The following PEX11B variants were observed in gnomAD, a reference collection of about 807,000 sequenced individuals.
PEX11B encodes peroxisomal biogenesis factor 11 beta, also known as peroxisomal membrane protein 11B.
In PEX11B, 18 loss-of-function variants were observed where a neutral mutation model predicts 28.2. That is an observed-to-expected ratio of 0.64 (90% CI 0.44 to 0.95). The LOEUF is 0.95. Ranked by LOEUF, PEX11B falls within the 40% of genes least tolerant of loss-of-function variation. PEX11B has a pLI of 0.00. For missense variants in PEX11B, 305 were observed against 319.8 expected (o/e 0.95, Z 0.35); for synonymous variants, 128 against 128.7 (o/e 0.99, Z 0.04).
intron 3 of PEX11B, among the ~76,000 whole-genome samples, chr1:145,915,898 G>A (rs1422539292): frequency 6.6e-6 from 1 of 152,128 alleles, no homozygotes. Context: ...CTCCCAAAGT[G>A]CTGGGATTAC....
chr1:145,911,943 A>C lies in PEX11B; in HGVS notation c.*218T>G. The C allele has an allele frequency of 2.5e-6, 1 of 406,952 alleles. No individual in the cohort carries two copies. Among genetic ancestry groups the C allele is most frequent in the Non-Finnish European group, 4.3e-6 (1 of 230,304 alleles). 25.2% of individuals were successfully genotyped at this position (406,952 alleles called of 1,614,324 possible). On this transcript the variant is annotated 3_prime_UTR_variant, in exon 4 of 4. Transcript: ENST00000369306. ...GAGAGACACAAAGAAAGAGGAAAAG[A>C]ACAGAAGCTCAGGCACATCTAGAAA...
In PEX11B at chr1:145,916,917, T is replaced by G; in HGVS notation, c.274A>C (p.Asn92His). Reference protein sequence around the residue: ...LRFCITVSHLNRALYFACDNV... With the variant: ...LRFCITVSHLHRALYFACDNV... The stretch of plus-strand genomic sequence containing the variant: ...TCACAGGCGAAGTACAAGGCTCGAT[T>G]GAGGTGACTAACAGTGATGCAGAAT... Residue 92 changes from asparagine (N) to histidine (H), a missense_variant, in exon 3 of 4, where the codon AAT becomes CAT. Asn to His is a moderately conservative substitution (Grantham distance 68, BLOSUM62 1). Transcript: ENST00000369306. The G allele has an allele frequency of 6.2e-7, 1 of 1,613,910 alleles. No homozygotes were observed. The highest frequency in any genetic ancestry group is 2.2e-5 in the East Asian group (1 of 44,886).
At chr1:145,918,106 A>C in intron 1 of PEX11B, 2 of 985,448 alleles carry the variant, frequency 2.0e-6, no homozygotes, top group Non-Finnish European at 2.4e-6. Flanking sequence ...CATCACAAGC[A>C]CATCAGCGTG....
At position 145,918,550 on chromosome 1, in the gene PEX11B, T is replaced by C. The variant is rs587703527; in HGVS notation, c.56+83A>G. 7.1e-6 allele frequency: 11 copies of C among 1,549,040 alleles called. No individual in the cohort carries two copies. In the South Asian group the frequency reaches 1.1e-4, roughly 15 times the overall value. On this transcript the variant is annotated intron_variant, in intron 1 of 3. Transcript: ENST00000369306. Reference sequence around the variant, plus strand: ...GAGTTGACCCTTCTTGACCCCCCTGTAGCCTAAACTGACTTCGCCTCACTA... The same window carrying C: ...GAGTTGACCCTTCTTGACCCCCCTGCAGCCTAAACTGACTTCGCCTCACTA...
intron 3 of PEX11B, 52 bp downstream of exon 3, chr1:145,916,765 T>C: frequency 1.6e-6 from 2 of 1,223,356 alleles, no homozygotes; most frequent in Non-Finnish European, 2.4e-6. Context: ...AGACAAGCTA[T>C]GCAATATAGA....
Position 145,917,999 on chromosome 1 carries a change from G to A in PEX11B, c.57-183C>T, listed in dbSNP as rs1647506093. 13 of 983,792 alleles carry A rather than the reference G, an allele frequency of 1.3e-5. No homozygotes were observed. In the South Asian group the frequency reaches 5.6e-4, roughly 43 times the overall value. The allele number at this position is 983,792 out of a possible 1,614,324, so 60.9% of individuals were successfully genotyped here. A position where few individuals can be genotyped will look rare whatever the true frequency, so the allele number is the denominator to read the frequency against. On this transcript the variant is annotated intron_variant, in intron 1 of 3. Transcript: ENST00000369306. Reference sequence around the variant, plus strand: ...AAGGGAAAGGCATAAGGAGAAAAAAGAGTCTAGAAAGGGGTGGGGAGCACT... The same window carrying A: ...AAGGGAAAGGCATAAGGAGAAAAAAAAGTCTAGAAAGGGGTGGGGAGCACT...
chr1:145,917,145 A>G, intron 2 of PEX11B, 127 bp from the exon 3 acceptor site: 1 of 676,054 alleles, frequency 1.5e-6, no homozygotes. Context: ...AAAGAGCAGA[A>G]ACAGGCTGGG....
intron 1 of PEX11B, 38 bp downstream of exon 1, chr1:145,918,595 C>A: frequency 6.4e-7 from 1 of 1,562,694 alleles, no homozygotes; most frequent in South Asian, 1.2e-5. Flanking sequence ...TCTGTCCATC[C>A]CTCCCCCGCC....
chr1:145,914,415 C>G (rs1394691462), intron 3 of PEX11B, among the ~76,000 whole-genome samples: 3 of 151,988 alleles, frequency 2.0e-5, no homozygotes, highest in African/African-American at 7.2e-5. Context: ...AACCACAGCT[C>G]TCCATGGTTT....
Position 145,918,667 on chromosome 1 carries a change from T to C in PEX11B, c.22A>G (p.Ser8Gly), listed in dbSNP as rs1647564370. The change falls in exon 1 of 4, where the codon AGT becomes GGT. Residue 8 changes from serine (S) to glycine (G), a missense_variant. Transcript: ENST00000369306. Reference sequence around the variant, plus strand: ...CGCTCCCGGGCTTGGCTCTGAGCACTGAAGCGGACCCAGGCGTCCATGACA... The same window carrying C: ...CGCTCCCGGGCTTGGCTCTGAGCACCGAAGCGGACCCAGGCGTCCATGACA... MDAWVRF[S>G]AQSQARERLC... 6.6e-7 allele frequency: 1 copy of C among 1,506,084 alleles called. No individual in the cohort carries two copies. Among genetic ancestry groups the C allele is most frequent in the Non-Finnish European group, 8.9e-7 (1 of 1,121,668 alleles). The allele number at this position is 1,506,084 out of a possible 1,614,324, so 93.3% of individuals were successfully genotyped here. A position where few individuals can be genotyped will look rare whatever the true frequency, so the allele number is the denominator to read the frequency against.
chr1:145,911,901 A>C lies in PEX11B; in HGVS notation c.*260T>G, dbSNP rs782057166. On this transcript the variant is annotated 3_prime_UTR_variant, in exon 4 of 4. Transcript: ENST00000369306. ...AACCTTAAACAGAGTTAAGAGACAC[A>C]AAGTAAATATATTCAAGAGAGACAC... 3.1e-6 allele frequency: 1 copy of C among 321,242 alleles called. No homozygotes were observed. Among genetic ancestry groups the C allele is most frequent in the Non-Finnish European group, 5.7e-6 (1 of 176,700 alleles). The allele number at this position is 321,242 out of a possible 1,614,324, so 19.9% of individuals were successfully genotyped here.
chr1:145,917,773 T>G lies in PEX11B; in HGVS notation c.100A>C (p.Arg34=), dbSNP rs1647485566. The change falls in exon 2 of 4, where the codon AGG becomes CGG. Residue 34 remains arginine (R), a synonymous_variant. Transcript: ENST00000369306. The stretch of plus-strand genomic sequence containing the variant: ...TGTAACTCAGGACTGGCTCCATGCC[T>G]CTGCAGCGCATGGCCAAGAAGAGAG... ...ACSLLGHALQ[R]HGASPELQKQ... 6.2e-7 allele frequency: 1 copy of G among 1,613,774 alleles called. No homozygotes were observed. Among genetic ancestry groups the G allele is most frequent in the African/African-American group, 1.3e-5 (1 of 75,040 alleles).
At chr1:145,915,570 G>C (rs587688095) in intron 3 of PEX11B, among the ~76,000 whole-genome samples, 2 of 151,506 alleles carry the variant, frequency 1.3e-5, no homozygotes, top group South Asian at 4.2e-4. Context: ...GTCATCTCTT[G>C]CTCGTATTAG....
chr1:145,917,727 T>C lies in PEX11B; in HGVS notation c.146A>G (p.Glu49Gly), dbSNP rs1243812324. The C allele has an allele frequency of 4.4e-6, 7 of 1,608,028 alleles. No individual in the cohort carries two copies. The Admixed American group carries it at 1.0e-4, about 23-fold the overall frequency. ...PELQKQIRQL[E>G]SHLSLGRKLL... ...CTTTCTTCCAAGGCTCAGGTGGCTCTCCAGTTGTCGAATCTGTTTCTGTAA... is the reference window on the plus strand; with the variant it reads ...CTTTCTTCCAAGGCTCAGGTGGCTCCCCAGTTGTCGAATCTGTTTCTGTAA... Residue 49 changes from glutamate to glycine, a missense_variant, in exon 2 of 4, where the codon GAG becomes GGG. Transcript: ENST00000369306.
chr1:145,915,505 C>T (rs1647326524), intron 3 of PEX11B, among the ~76,000 whole-genome samples: 1 of 152,060 alleles, frequency 6.6e-6, no homozygotes, highest in African/African-American at 2.4e-5. Context: ...ATTTTACTCC[C>T]ACATCATATT....
chr1:145,915,060 C>T (rs1647299079), intron 3 of PEX11B, among the ~76,000 whole-genome samples: 1 of 152,206 alleles, frequency 6.6e-6, no homozygotes, highest in East Asian at 1.9e-4. Flanking sequence ...TGCGCCACCA[C>T]ACCCGGCTAA....
At chr1:145,917,289 G>A (rs587761612) in intron 2 of PEX11B, among the ~76,000 whole-genome samples, 30 of 152,146 alleles carry the variant, frequency 2.0e-4, no homozygotes, top group South Asian at 6.2e-4. Context: ...AAATTAGCCC[G>A]GCATGGTGGT....
Position 145,912,221 on chromosome 1 carries a change from G to A in PEX11B, c.720C>T (p.Leu240=), listed in dbSNP as rs184212399. ...TGAGAATAGACAGGATGGAGGACACGAGGCCACAAAGCCCCACAATCCCAG... is the reference window on the plus strand; with the variant it reads ...TGAGAATAGACAGGATGGAGGACACAAGGCCACAAAGCCCCACAATCCCAG... ...CGPGIVGLCG[L]VSSILSILTL... is the part of the protein sequence containing the mutation. Residue 240 remains leucine, a synonymous_variant, in exon 4 of 4, where the codon CTC becomes CTT. Transcript: ENST00000369306. The A allele has an allele frequency of 1.1e-5, 18 of 1,613,828 alleles. No homozygotes were observed. Among genetic ancestry groups the A allele is most frequent in the East Asian group, 4.5e-5 (2 of 44,880 alleles).
In PEX11B at chr1:145,917,035, A is replaced by G; in HGVS notation, c.173-17T>C. The G allele has an allele frequency of 1.3e-6, 2 of 1,542,634 alleles. No homozygotes were observed. The highest frequency in any genetic ancestry group is 2.2e-5 in the South Asian group (2 of 89,476). ...GGCGTAGAACTTGTGGAGATTAGAA[A>G]GGGAAAGCAAGGATTTGTAAGTGGA... On this transcript the variant is annotated splice_polypyrimidine_tract_variant and intron_variant, in intron 2 of 3. Coordinates refer to ENST00000369306, the MANE Select transcript of PEX11B (RefSeq NM_003846.3).
Sources: allele counts gnomAD v4.1 joint callset (sites outside exome capture counted in the v4.1 genomes callset), GRCh38; gene constraint gnomAD v4.1.1; transcripts MANE v1.5; gene names NCBI Gene and HGNC (gene_info 2026-07-23, HGNC 2026-07-21).